Variants in URB2 observed in about 807,000 individuals in gnomAD.
URB2 encodes unhealthy ribosome biogenesis protein 2 homolog.
A neutral mutation model predicts 120.9 loss-of-function variants in URB2; 86 were observed. The ratio of observed to expected loss-of-function variants is 0.71; its 90% CI spans 0.60 to 0.85. The LOEUF is 0.85. URB2 is among the 40% of genes least tolerant of loss of function. The probability of loss-of-function intolerance (pLI) is 0.00; values close to 1 mark genes in which losing one functional copy is unlikely to be tolerated. For synonymous variants in URB2, 755 were observed against 758.4 expected (o/e 1.00, Z 0.07); for missense variants, 1,765 against 1,836.5 (o/e 0.96, Z 0.71).
chr1:229,641,073 C>T (rs1339712911), intron 4 of URB2, among the ~76,000 whole-genome samples: 1 of 142,276 alleles, frequency 7.0e-6, no homozygotes, highest in African/African-American at 2.7e-5. Flanking sequence ...AGTACAGTGG[C>T]CCGGTCTCGG....
At position 229,635,775 on chromosome 1, in the gene URB2, C is replaced by T. The variant is rs745747342; in HGVS notation, c.1162C>T (p.Arg388Cys). ...DRIRHEEAQFRFYRHVAELLI... is the reference protein window; with the variant it reads ...DRIRHEEAQFCFYRHVAELLI... Reference sequence around the variant, plus strand: ...AATTCGGCACGAAGAGGCTCAGTTCCGCTTTTACCGCCACGTGGCTGAGCT... The same window carrying T: ...AATTCGGCACGAAGAGGCTCAGTTCTGCTTTTACCGCCACGTGGCTGAGCT... The change falls in exon 4 of 10, where the codon CGC becomes TGC. Residue 388 changes from arginine (R) to cysteine (C), a missense_variant. Arg to Cys is a radical substitution (Grantham distance 180). Transcript: ENST00000258243. 9 of 1,614,212 alleles carry T rather than the reference C, an allele frequency of 5.6e-6. No homozygotes were observed. The highest frequency in any genetic ancestry group is 1.7e-5 in the Admixed American group (1 of 60,032).
intron 5 of URB2, 35 bp downstream of exon 5, chr1:229,643,728 A>C: frequency 6.3e-7 from 1 of 1,598,384 alleles, no homozygotes; most frequent in South Asian, 1.1e-5. Context: ...TGGCAGGCTC[A>C]GAAACCACGT....
chr1:229,645,112 C>T (rs1025426721), intron 5 of URB2, among the ~76,000 whole-genome samples: 10 of 151,960 alleles, frequency 6.6e-5, no homozygotes, highest in Non-Finnish European at 1.5e-4. Flanking sequence ...TAGTGAAACC[C>T]CGTCCCTGCT....
intron 5 of URB2, 112 bp from the exon 6 acceptor site, chr1:229,645,747 C>T: frequency 1.1e-6 from 1 of 894,612 alleles, no homozygotes. Context: ...GACACCAGGG[C>T]TCTCAATCCA....
At chr1:229,627,860 A>G in intron 2 of URB2, 101 bp downstream of exon 2, 1 of 1,399,966 alleles carries the variant, frequency 7.1e-7, no homozygotes, top group Non-Finnish European at 9.5e-7. Flanking sequence ...AAATAGAGAA[A>G]AAGTTGGGGA....
chr1:229,655,400 A>G (rs1424448458), intron 9 of URB2, among the ~76,000 whole-genome samples: 1 of 151,998 alleles, frequency 6.6e-6, no homozygotes, highest in South Asian at 2.1e-4. Context: ...CGCCCAGTTA[A>G]TTTTTGTATT....
In URB2 at chr1:229,636,234, T is replaced by C; in HGVS notation, c.1621T>C (p.Ser541Pro). Residue 541 changes from serine (S) to proline (P), a missense_variant, in exon 4 of 10, where the codon TCA (serine) becomes CCA (proline). By Grantham distance (74) the Ser-to-Pro change is moderately conservative. Transcript: ENST00000258243. ...TGCCGACATGGCCCTGAAATCACTG[T>C]CACTGAGCTTGCTGCTGCACTGCAT... The part of the protein sequence containing the change: ...SDADMALKSL[S>P]LSLLLHCIMF... The C allele has an allele frequency of 6.2e-7, 1 of 1,613,464 alleles. No individual in the cohort carries two copies. The highest frequency in any genetic ancestry group is 1.7e-4 in the Middle Eastern group (1 of 6,060).
intron 9 of URB2, among the ~76,000 whole-genome samples, 168 bp from the exon 10 acceptor site, chr1:229,658,932 G>T (rs1221807299): frequency 6.6e-6 from 1 of 152,128 alleles, no homozygotes; most frequent in East Asian, 1.9e-4. Flanking sequence ...GTATTTAAAG[G>T]TTTGACTTAG....
At chr1:229,629,856 G>A (rs188104596) in intron 2 of URB2, among the ~76,000 whole-genome samples, 12 of 152,334 alleles carry the variant, frequency 7.9e-5, no homozygotes, top group Non-Finnish European at 1.5e-4. Flanking sequence ...CTAAGTTTAA[G>A]TTCTATTCTC....
intron 8 of URB2, among the ~76,000 whole-genome samples, chr1:229,653,938 T>G (rs1417836653): frequency 7.1e-6 from 1 of 140,702 alleles, no homozygotes; most frequent in African/African-American, 2.8e-5. Context: ...ATCTTGGTGT[T>G]TTTTTTTTTT....
At position 229,637,663 on chromosome 1, in the gene URB2, T is replaced by A; in HGVS notation, c.3050T>A (p.Leu1017Gln). 6.2e-7 allele frequency: 1 copy of A among 1,614,244 alleles called. No individual in the cohort carries two copies. Among genetic ancestry groups the A allele is most frequent in the Non-Finnish European group, 8.5e-7 (1 of 1,180,032 alleles). Residue 1017 changes from leucine (L) to glutamine (Q), a missense_variant, in exon 4 of 10, where the codon CTG becomes CAG. Physicochemically the swap from Leu to Gln is moderately radical, Grantham distance 113 (BLOSUM62 -2). Coordinates refer to ENST00000258243, the MANE Select transcript of URB2 (RefSeq NM_014777.4). ...ATGCAGATGCTCATCCAAATGAAGC[T>A]GAGCTTGGTGCTCAATTTTAGAAAA... ...ELMQMLIQMK[L>Q]SLVLNFRKIT...
At chr1:229,644,448 G>A (rs1666088629) in intron 5 of URB2, among the ~76,000 whole-genome samples, 1 of 152,238 alleles carries the variant, frequency 6.6e-6, no homozygotes, top group South Asian at 2.1e-4. Flanking sequence ...CCCGGAGGAA[G>A]TGAAACTCCA....
chr1:229,638,358 A>T (rs1008300331), intron 4 of URB2, 111 bp downstream of exon 4: 1 of 1,296,770 alleles, frequency 7.7e-7, no homozygotes, highest in East Asian at 2.4e-5. Flanking sequence ...AAGGTACCAC[A>T]TGTGCGGCTG....
rs896802842 is a variant in URB2, at chr1:229,637,507, T to G, written c.2894T>G (p.Met965Arg). 6.2e-7 allele frequency: 1 copy of G among 1,614,108 alleles called. No individual in the cohort carries two copies. The highest frequency in any genetic ancestry group is 1.3e-5 in the African/African-American group (1 of 74,936). ...AGTGCTCGCTCTGTGTTCAAGATCA[T>G]GTATGGTAGTGATATTTTTGAGGTT... ...GKSARSVFKI[M>R]YGSDIFEVVL... Residue 965 changes from methionine to arginine, a missense_variant, in exon 4 of 10, where the codon ATG (methionine) becomes AGG (arginine). Coordinates refer to ENST00000258243, the MANE Select transcript of URB2 (RefSeq NM_014777.4).
intron 7 of URB2, among the ~76,000 whole-genome samples, chr1:229,647,976 G>C (rs1666192597): frequency 6.6e-6 from 1 of 152,096 alleles, no homozygotes; most frequent in Non-Finnish European, 1.5e-5. Flanking sequence ...TTCTTCATTG[G>C]ATCTGGTGCT....
chr1:229,643,196 T>C (rs1230043244), intron 4 of URB2, among the ~76,000 whole-genome samples: 2 of 152,172 alleles, frequency 1.3e-5, no homozygotes, highest in African/African-American at 4.8e-5. Flanking sequence ...AGAAAACCCA[T>C]GTATAAGTGG....
chr1:229,647,644 C>T lies in URB2; in HGVS notation c.4041C>T (p.Phe1347=), dbSNP rs267598406. 1.9e-6 allele frequency: 3 copies of T among 1,614,196 alleles called. No individual in the cohort carries two copies. In the South Asian group the frequency reaches 3.3e-5, roughly 18 times the overall value. The part of the protein sequence containing the change: ...IGNPHHVSLA[F]SILLTVPLDH... ...ACCCCCACCACGTCAGCCTGGCCTT[C>T]AGCATCCTTCTCACTGTCCCTTTGG... The change falls in exon 7 of 10, where the codon TTC becomes TTT. Residue 1347 remains phenylalanine, a synonymous_variant. Transcript: ENST00000258243.
intron 2 of URB2, among the ~76,000 whole-genome samples, chr1:229,628,226 T>TA (rs1665576826): frequency 1.4e-5 from 2 of 145,474 alleles, no homozygotes; most frequent in South Asian, 2.1e-4. Flanking sequence ...ATACATATTA[T>TA]ATATGTATAT....
At chr1:229,639,578 C>T (rs534234953) in intron 4 of URB2, among the ~76,000 whole-genome samples, 5 of 152,222 alleles carry the variant, frequency 3.3e-5, no homozygotes, top group East Asian at 1.9e-4. Flanking sequence ...CCTCATTATC[C>T]GCCCACCTCA....
Sources: gnomAD v4.1 joint callset for allele counts (sites outside exome capture counted in the v4.1 genomes callset) on GRCh38, gnomAD v4.1.1 for gene constraint, MANE v1.5 for transcripts, NCBI Gene and HGNC (gene_info 2026-07-23, HGNC 2026-07-21) for gene names.